Variants in COMMD1 observed in about 807,000 individuals in gnomAD.
COMMD1 encodes copper metabolism domain containing 1, also known as COMM domain-containing protein 1.
In COMMD1, 10 loss-of-function variants were observed where a neutral mutation model predicts 17.2. The observed-to-expected ratio is 0.58, with a 90% CI of 0.36 to 0.99. COMMD1 has a LOEUF of 0.99. Ranked by LOEUF, COMMD1 falls within the 50% of genes least tolerant of loss-of-function variation. The probability of loss-of-function intolerance (pLI) is 0.01; values close to 1 mark genes in which losing one functional copy is unlikely to be tolerated. For missense variants in COMMD1, 270 were observed against 231.8 expected (o/e 1.17, Z -1.07); for synonymous variants, 97 against 91.6 (o/e 1.06, Z -0.34).
intron 2 of COMMD1, among the ~76,000 whole-genome samples, chr2:62,006,163 G>A (rs1428972282): frequency 2.9e-5 from 4 of 136,516 alleles, no homozygotes; most frequent in African/African-American, 8.1e-5. Context: ...CATGGACACA[G>A]GAAGGGGAAC....
intron 1 of COMMD1, among the ~76,000 whole-genome samples, chr2:61,959,194 C>T (rs1035127915): frequency 1.4e-4 from 22 of 151,984 alleles, no homozygotes; most frequent in Non-Finnish European, 4.4e-5. Flanking sequence ...TGTGAATTGT[C>T]TTTTCGTATC....
intron 1 of COMMD1, among the ~76,000 whole-genome samples, chr2:61,906,746 G>GA (rs894194486): frequency 4.3e-4 from 65 of 149,496 alleles, no homozygotes; most frequent in African/African-American, 1.2e-3. Context: ...TTTGTTTCTT[G>GA]AAAAAAAAAC....
chr2:61,957,713 G>A (rs1025114553), intron 1 of COMMD1, among the ~76,000 whole-genome samples: 11 of 152,134 alleles, frequency 7.2e-5, no homozygotes, highest in Admixed American at 1.3e-4. Flanking sequence ...TTTCTTTGAC[G>A]TAAAAACACA....
upstream of COMMD1, chr2:61,888,566 C>T (rs1047994051): frequency 7.6e-6 from 12 of 1,577,702 alleles, no homozygotes; most frequent in African/African-American, 2.7e-5. Context: ...GGATTCTGGC[C>T]GGCCGCAGTG....
At chr2:62,097,012 A>G (rs1401120115) in intron 2 of COMMD1, among the ~76,000 whole-genome samples, 1 of 152,210 alleles carries the variant, frequency 6.6e-6, no homozygotes, top group African/African-American at 2.4e-5. Context: ...CCCAAGTGAA[A>G]GCAAAAAGAT....
upstream of COMMD1, chr2:61,905,604 C>T (rs1669748827): frequency 1.4e-6 from 2 of 1,403,944 alleles, no homozygotes; most frequent in East Asian, 2.5e-5. Context: ...TGGTTTTGCA[C>T]AGGCTATTTA....
chr2:62,130,592 G>T (rs762881009), intron 2 of COMMD1, among the ~76,000 whole-genome samples: 1 of 152,168 alleles, frequency 6.6e-6, no homozygotes, highest in Non-Finnish European at 1.5e-5. Flanking sequence ...ATAAATTAGA[G>T]GATAAAGCGT....
chr2:61,927,230 G>C (rs1670350149), intron 1 of COMMD1, among the ~76,000 whole-genome samples: 1 of 152,136 alleles, frequency 6.6e-6, no homozygotes, highest in African/African-American at 2.4e-5. Flanking sequence ...TTTGTGTAAG[G>C]ATTGAAGCAA....
chr2:61,976,476 A>G (rs1302723492), intron 1 of COMMD1, among the ~76,000 whole-genome samples: 1 of 152,218 alleles, frequency 6.6e-6, no homozygotes, highest in Non-Finnish European at 1.5e-5. Flanking sequence ...CATGTCTTTA[A>G]TGTGTATATT....
intron 1 of COMMD1, chr2:61,928,535 T>A (rs1311246194): frequency 6.6e-6 from 1 of 152,206 alleles, no homozygotes; most frequent in Non-Finnish European, 1.5e-5. Context: ...GAAAAGGAAT[T>A]TGTCACATAT....
At chr2:62,113,645 A>G (rs535595441) in intron 2 of COMMD1, among the ~76,000 whole-genome samples, 1 of 152,288 alleles carries the variant, frequency 6.6e-6, no homozygotes, top group Admixed American at 6.5e-5. Flanking sequence ...TGGCCTCCCA[A>G]AGTGCTGGGA....
chr2:62,035,113 G>A (rs1019607797), intron 2 of COMMD1, among the ~76,000 whole-genome samples: 9 of 152,216 alleles, frequency 5.9e-5, no homozygotes, highest in Non-Finnish European at 8.8e-5. Flanking sequence ...CACTACTACA[G>A]CACAGACCTC....
chr2:61,971,248 G>A (rs994321351), intron 1 of COMMD1, among the ~76,000 whole-genome samples: 1 of 152,224 alleles, frequency 6.6e-6, no homozygotes, highest in East Asian at 1.9e-4. Context: ...GAATAAAGGG[G>A]CGTGAGAGCC....
At chr2:61,920,824 G>A (rs1432346798) in intron 1 of COMMD1, among the ~76,000 whole-genome samples, 1 of 151,358 alleles carries the variant, frequency 6.6e-6, no homozygotes, top group East Asian at 1.9e-4. Flanking sequence ...AGTGCAGAAG[G>A]AATCCTAACC....
At chr2:61,954,854 T>C (rs1210929440) in intron 1 of COMMD1, among the ~76,000 whole-genome samples, 1 of 152,206 alleles carries the variant, frequency 6.6e-6, no homozygotes, top group Non-Finnish European at 1.5e-5. Context: ...TTTCTATTTT[T>C]AGTAGAGACG....
intron 2 of COMMD1, among the ~76,000 whole-genome samples, chr2:62,095,780 T>C (rs1671984069): frequency 1.4e-5 from 1 of 73,646 alleles, no homozygotes; most frequent in Admixed American, 1.3e-4. Flanking sequence ...AAATGGTTTA[T>C]GTTGTGTAGT....
intron 1 of COMMD1, among the ~76,000 whole-genome samples, chr2:61,976,781 A>G (rs1030785355): frequency 6.6e-6 from 1 of 152,066 alleles, no homozygotes; most frequent in Non-Finnish European, 1.5e-5. Context: ...AGATAATGAT[A>G]TGTCATTATT....
At chr2:61,961,506 TA>T (rs1365720394) in intron 1 of COMMD1, among the ~76,000 whole-genome samples, 1 of 152,214 alleles carries the variant, frequency 6.6e-6, no homozygotes, top group East Asian at 1.9e-4. Context: ...TTGGAATATA[TA>T]TATACTAATA....
At chr2:61,899,343 A>G (rs547165605) in intron 1 of COMMD1, among the ~76,000 whole-genome samples, 117 of 152,306 alleles carry the variant, frequency 7.7e-4, no homozygotes, top group African/African-American at 2.8e-3. Flanking sequence ...AATAATTTTT[A>G]TCTTCCTTTA....
Sources: allele counts gnomAD v4.1 joint callset (sites outside exome capture counted in the v4.1 genomes callset), GRCh38; gene constraint gnomAD v4.1.1; transcripts MANE v1.5; gene names NCBI Gene and HGNC (gene_info 2026-07-23, HGNC 2026-07-21).